Variants in GABRB1 observed in about 807,000 individuals in gnomAD.
The protein encoded by GABRB1 is gamma-aminobutyric acid receptor subunit beta-1.
A neutral mutation model predicts 51.6 loss-of-function variants in GABRB1; 17 were observed. That is an observed-to-expected ratio of 0.33 (90% CI 0.23 to 0.49). The LOEUF (loss-of-function observed/expected upper bound fraction) is 0.49. Among genes scored for constraint, GABRB1 ranks in the 20% least tolerant of loss-of-function variants. The pLI, the probability that GABRB1 is intolerant of heterozygous loss-of-function variation, is 0.99. For missense variants in GABRB1, 410 were observed against 600.6 expected, an observed-to-expected ratio of 0.68 and a Z score of 3.32; for synonymous variants, 247 against 218.9, an observed-to-expected ratio of 1.13 and a Z score of -1.14.
intron 4 of GABRB1, among the ~76,000 whole-genome samples, chr4:47,249,761 G>A (rs1277323647): frequency 2.0e-5 from 3 of 151,912 alleles, no homozygotes; most frequent in Non-Finnish European, 2.9e-5. Flanking sequence ...GCTTGCTTTC[G>A]GTGTCCATTT....
intron 4 of GABRB1, among the ~76,000 whole-genome samples, chr4:47,312,751 A>C (rs570675513): frequency 6.4e-4 from 98 of 152,346 alleles, no homozygotes; most frequent in South Asian, 5.4e-3. Context: ...GATAAAATTC[A>C]TGATTATAGG....
chr4:47,191,407 C>T (rs1035191767), intron 4 of GABRB1, among the ~76,000 whole-genome samples: 1 of 152,148 alleles, frequency 6.6e-6, no homozygotes, highest in African/African-American at 2.4e-5. Context: ...ACTTCACCCC[C>T]TAACTGTTCC....
chr4:47,092,845 C>A (rs1415345420), intron 3 of GABRB1, among the ~76,000 whole-genome samples: 2 of 152,088 alleles, frequency 1.3e-5, no homozygotes, highest in Non-Finnish European at 2.9e-5. Flanking sequence ...GAACTCCTGA[C>A]CTCGTGATTC....
chr4:47,024,830 T>C lies in GABRB1; in HGVS notation c.-19-7084T>C, dbSNP rs1440496480. ...AGTGAAAACATATAATGTTTGGTTT[T>C]CCATTCCTGAGTTACTTCACTTAGA... On this transcript the variant is annotated intron_variant, in intron 1 of 3. Transcript: ENST00000513567. Among the ~76,000 whole-genome samples, 4 of 150,782 alleles carry C rather than the reference T, an allele frequency of 2.7e-5. No homozygotes were observed. The East Asian group carries it at 7.8e-4, about 29-fold the overall frequency.
At chr4:47,341,320 A>T (rs1259922820) in intron 5 of GABRB1, among the ~76,000 whole-genome samples, 1 of 151,982 alleles carries the variant, frequency 6.6e-6, no homozygotes, top group African/African-American at 2.4e-5. Context: ...CATTGTTTCG[A>T]TCCCACAACA....
intron 4 of GABRB1, among the ~76,000 whole-genome samples, chr4:47,238,528 A>G (rs549605162): frequency 1.3e-5 from 2 of 152,296 alleles, no homozygotes; most frequent in African/African-American, 4.8e-5. Context: ...GACACCACAA[A>G]TAATGCCAGC....
At chr4:47,116,007 A>G (rs1577921248) in intron 3 of GABRB1, among the ~76,000 whole-genome samples, 1 of 152,268 alleles carries the variant, frequency 6.6e-6, no homozygotes, top group Middle Eastern at 3.4e-3. Context: ...AATATTTTCT[A>G]CATTTAACCA....
At chr4:47,401,844 T>TATCTATC (rs1475363417) in intron 5 of GABRB1, among the ~76,000 whole-genome samples, 2 of 94,024 alleles carry the variant, frequency 2.1e-5, no homozygotes, top group South Asian at 5.9e-4. Flanking sequence ...ATCTATCATC[T>TATCTATC]ATCTATCTAT....
chr4:47,415,777 G>A (rs951827670), intron 8 of GABRB1, among the ~76,000 whole-genome samples: 3 of 152,208 alleles, frequency 2.0e-5, no homozygotes, highest in African/African-American at 7.2e-5. Context: ...AACCTAAAAT[G>A]AGATGAACTC....
chr4:47,195,180 C>A (rs1345488976), intron 4 of GABRB1, among the ~76,000 whole-genome samples: 1 of 152,064 alleles, frequency 6.6e-6, no homozygotes, highest in Non-Finnish European at 1.5e-5. Flanking sequence ...TCCTGGCTAA[C>A]ACAGTGAAAC....
chr4:47,211,191 G>A (rs1428088864), intron 4 of GABRB1, among the ~76,000 whole-genome samples: 1 of 152,098 alleles, frequency 6.6e-6, no homozygotes, highest in African/African-American at 2.4e-5. Context: ...ATGAATCTGA[G>A]CCTAATATGA....
chr4:46,994,556 G>C (rs1324289814), intron 1 of GABRB1: 1 of 152,106 alleles, frequency 6.6e-6, no homozygotes, highest in Non-Finnish European at 1.5e-5. Context: ...GGGGTATGGA[G>C]AGAAAGGATA....
chr4:47,189,611 C>A (rs944241628), intron 4 of GABRB1, among the ~76,000 whole-genome samples: 1 of 151,794 alleles, frequency 6.6e-6, no homozygotes, highest in Non-Finnish European at 1.5e-5. Context: ...TGAGTCCCTG[C>A]ATTTATGGAT....
intron 4 of GABRB1, among the ~76,000 whole-genome samples, chr4:47,304,404 T>C (rs1051209754): frequency 6.6e-6 from 1 of 152,090 alleles, no homozygotes; most frequent in Non-Finnish European, 1.5e-5. Context: ...AATTTTTTCA[T>C]ATACATGTTG....
At chr4:47,047,529 G>A (rs376163669) in intron 3 of GABRB1, among the ~76,000 whole-genome samples, 14 of 152,130 alleles carry the variant, frequency 9.2e-5, no homozygotes, top group African/African-American at 3.1e-4. Context: ...GTCTATGTGT[G>A]GTAATTAGGT....
intron 4 of GABRB1, among the ~76,000 whole-genome samples, chr4:47,178,552 C>T (rs971919879): frequency 6.6e-6 from 1 of 151,966 alleles, no homozygotes; most frequent in African/African-American, 2.4e-5. Flanking sequence ...TGTTATTGCT[C>T]ATTATTTTCA....
rs62304011 is a variant in GABRB1 at position 47,293,029 on chromosome 4, T to C, written c.462-27098T>C. On this transcript the variant is annotated intron_variant, in intron 4 of 8. Transcript: ENST00000295454. ...TCTGCAATATTTATATCAATAACATTTTATCAATAACAATTTATATCAATA... is the reference window on the plus strand; with the variant it reads ...TCTGCAATATTTATATCAATAACATCTTATCAATAACAATTTATATCAATA... Among the ~76,000 whole-genome samples, 499 of 152,330 alleles carry C rather than the reference T, an allele frequency of 3.3e-3. 2 individuals carry two copies. The highest frequency in any genetic ancestry group is 6.1e-3 in the Non-Finnish European group (417 of 68,026).
At chr4:47,408,653 A>T (rs1728656986) in intron 8 of GABRB1, among the ~76,000 whole-genome samples, 1 of 152,250 alleles carries the variant, frequency 6.6e-6, no homozygotes, top group South Asian at 2.1e-4. Flanking sequence ...AGGTGATTAT[A>T]AAATGAGACA....
chr4:47,022,289 T>C (rs1448432381), intron 1 of GABRB1, among the ~76,000 whole-genome samples: 1 of 152,120 alleles, frequency 6.6e-6, no homozygotes, highest in Non-Finnish European at 1.5e-5. Flanking sequence ...AGTCCTTTTA[T>C]GTCTAAAAAT....
Sources: allele counts gnomAD v4.1 joint callset (sites outside exome capture counted in the v4.1 genomes callset), GRCh38; gene constraint gnomAD v4.1.1; transcripts MANE v1.5; gene names NCBI Gene and HGNC (gene_info 2026-07-23, HGNC 2026-07-21).